The following MTSS1 variants were observed in gnomAD, a reference collection of about 807,000 sequenced individuals.
MTSS1 encodes the protein MTSS I-BAR domain containing 1.
In MTSS1, 18 loss-of-function variants were observed where a neutral mutation model predicts 79.0. The ratio of observed to expected loss-of-function variants is 0.23; its 90% confidence interval spans 0.16 to 0.34. The LOEUF is 0.34. MTSS1 is among the 10% of genes least tolerant of loss of function. The probability of loss-of-function intolerance (pLI) is 1.00; values close to 1 mark genes in which losing one functional copy is unlikely to be tolerated. For synonymous variants in MTSS1, 341 were observed against 368.6 expected (o/e 0.93, Z 0.86); for missense variants, 815 against 986.2 (o/e 0.83, Z 2.33).
At chr8:124,664,164 T>C (rs1195152162) in intron 3 of MTSS1, among the ~76,000 whole-genome samples, 9 of 152,194 alleles carry the variant, frequency 5.9e-5, no homozygotes, top group Non-Finnish European at 1.2e-4. Flanking sequence ...TCTCCAGTCC[T>C]TGGAGGTGCC....
At chr8:124,588,654 T>C (rs1282085685) in intron 5 of MTSS1, among the ~76,000 whole-genome samples, 1 of 152,218 alleles carries the variant, frequency 6.6e-6, no homozygotes, top group Non-Finnish European at 1.5e-5. Context: ...GCTTTCAAAA[T>C]GTGCTGAAAT....
At chr8:124,651,653 G>C (rs1381456124) in intron 3 of MTSS1, among the ~76,000 whole-genome samples, 1 of 152,112 alleles carries the variant, frequency 6.6e-6, no homozygotes, top group Non-Finnish European at 1.5e-5. Context: ...CGGTTTTCCT[G>C]GGACATAAGT....
At chr8:124,724,843 C>G (rs914357459) in intron 1 of MTSS1, among the ~76,000 whole-genome samples, 1 of 152,196 alleles carries the variant, frequency 6.6e-6, no homozygotes, top group African/African-American at 2.4e-5. Context: ...GTCTACACAT[C>G]GGAAGGCAGT....
chr8:124,698,897 A>G (rs962377505), intron 3 of MTSS1, among the ~76,000 whole-genome samples: 1 of 152,224 alleles, frequency 6.6e-6, no homozygotes, highest in African/African-American at 2.4e-5. Flanking sequence ...CATGTTATGA[A>G]TAACTTTTAT....
At chr8:124,673,031 G>A (rs1036833723) in intron 3 of MTSS1, among the ~76,000 whole-genome samples, 1 of 152,030 alleles carries the variant, frequency 6.6e-6, no homozygotes, top group African/African-American at 2.4e-5. Flanking sequence ...TTTCCTTCAG[G>A]GTAACCCCAA....
intron 6 of MTSS1, among the ~76,000 whole-genome samples, chr8:124,570,429 T>A (rs1316440164): frequency 1.3e-5 from 2 of 152,146 alleles, no homozygotes; most frequent in African/African-American, 4.8e-5. Flanking sequence ...TAAAATACGG[T>A]ATTTTGAAAG....
intron 3 of MTSS1, among the ~76,000 whole-genome samples, chr8:124,630,005 C>G (rs1434391389): frequency 6.6e-6 from 1 of 152,194 alleles, no homozygotes; most frequent in African/African-American, 2.4e-5. Context: ...GCTGCGTCAG[C>G]CCCGCTTGCT....
chr8:124,625,069 A>G (rs1228234163), intron 3 of MTSS1, among the ~76,000 whole-genome samples: 11 of 152,184 alleles, frequency 7.2e-5, no homozygotes, highest in Non-Finnish European at 1.6e-4. Flanking sequence ...TTTTCAGAGA[A>G]ATGGTTTTCT....
chr8:124,586,723 C>G (rs769620028), intron 5 of MTSS1, among the ~76,000 whole-genome samples: 1 of 152,192 alleles, frequency 6.6e-6, no homozygotes, highest in Admixed American at 6.5e-5. Flanking sequence ...AACCTCTTGG[C>G]CCCTGTGCAG....
chr8:124,628,091 C>G (rs554071276), intron 3 of MTSS1, among the ~76,000 whole-genome samples: 1 of 152,098 alleles, frequency 6.6e-6, no homozygotes, highest in African/African-American at 2.4e-5. Context: ...CGCTTGAACC[C>G]GGGAGATGGA....
At chr8:124,707,971 T>C (rs1420674769) in intron 1 of MTSS1, among the ~76,000 whole-genome samples, 4 of 152,208 alleles carry the variant, frequency 2.6e-5, no homozygotes, top group African/African-American at 9.6e-5. Flanking sequence ...TCCTGAGGTC[T>C]AGTCACAGCC....
At position 124,593,183 on chromosome 8, in the gene MTSS1, A is replaced by G. The variant is rs188815212; in HGVS notation, c.209-1948T>C. 1.1e-4 allele frequency among the ~76,000 whole-genome samples: 16 copies of G among 152,354 alleles called. No homozygotes were observed. In the East Asian group the frequency reaches 2.3e-3, roughly 22 times the overall value. ...CTCCAAGTTCTGAGCTTTTTACTGC[A>G]TATAAGCAAAGACGAGGAACGTTTT... On this transcript the variant is annotated intron_variant, in intron 3 of 13. Coordinates refer to ENST00000518547, the MANE Select transcript of MTSS1 (RefSeq NM_014751.6).
chr8:124,567,520 C>T, intron 7 of MTSS1: 1 of 1,028,394 alleles, frequency 9.7e-7, no homozygotes, highest in Non-Finnish European at 1.3e-6. Context: ...ATACTGTGGC[C>T]CTTTTCTGAA....
intron 3 of MTSS1, among the ~76,000 whole-genome samples, chr8:124,598,931 G>T (rs1487236413): frequency 6.6e-6 from 1 of 152,210 alleles, no homozygotes; most frequent in African/African-American, 2.4e-5. Flanking sequence ...GAGGAAGAAT[G>T]GGTGGTGGAT....
intron 6 of MTSS1, chr8:124,577,662 C>T (rs772625778): frequency 1.9e-6 from 1 of 517,152 alleles, no homozygotes; most frequent in South Asian, 1.4e-5. Flanking sequence ...CAGAAGGGGT[C>T]TGGCTGTGCC....
At chr8:124,636,505 T>C (rs1337470276) in intron 3 of MTSS1, among the ~76,000 whole-genome samples, 2 of 152,278 alleles carry the variant, frequency 1.3e-5, no homozygotes, top group Admixed American at 6.5e-5. Flanking sequence ...ACAGAGGTCA[T>C]TAACTGAGGG....
chr8:124,715,951 A>T (rs1221772910), intron 1 of MTSS1, among the ~76,000 whole-genome samples: 1 of 152,220 alleles, frequency 6.6e-6, no homozygotes, highest in Non-Finnish European at 1.5e-5. Context: ...ATGATGGGGA[A>T]AACAACAAGT....
At chr8:124,587,142 G>A (rs563209089) in intron 5 of MTSS1, among the ~76,000 whole-genome samples, 1 of 152,312 alleles carries the variant, frequency 6.6e-6, no homozygotes, top group African/African-American at 2.4e-5. Context: ...GACCTGCGCA[G>A]GAGAGCAGGT....
chr8:124,696,514 T>C (rs1023055556), intron 3 of MTSS1, among the ~76,000 whole-genome samples: 2 of 152,106 alleles, frequency 1.3e-5, no homozygotes, highest in African/African-American at 4.8e-5. Context: ...AAACAGAAAG[T>C]ATCCTGGCAT....
Sources: gnomAD v4.1 joint callset for allele counts (sites outside exome capture counted in the v4.1 genomes callset) on GRCh38, gnomAD v4.1.1 for gene constraint, MANE v1.5 for transcripts, NCBI Gene and HGNC (gene_info 2026-07-23, HGNC 2026-07-21) for gene names.